CDH13: variants seen among roughly 807,000 people sequenced by gnomAD.
CDH13 encodes the protein cadherin 13, also known as cadherin-13.
Under a neutral mutation model 63.8 loss-of-function variants are expected in CDH13, and 24 were observed. The ratio of observed to expected loss-of-function variants is 0.38; its 90% confidence interval spans 0.27 to 0.53. The LOEUF is 0.53. Among genes scored for constraint, CDH13 ranks in the 20% least tolerant of loss-of-function variants. CDH13 has a pLI of 0.85. For missense variants in CDH13, 1,049 were observed against 903.1 expected (o/e 1.16, Z -2.07); for synonymous variants, 503 against 355.3 (o/e 1.42, Z -4.67).
intron 1 of CDH13, among the ~76,000 whole-genome samples, chr16:82,712,763 A>G (rs2032051431): frequency 6.6e-6 from 1 of 151,954 alleles, no homozygotes; most frequent in Non-Finnish European, 1.5e-5. Context: ...CTTTCCTGGG[A>G]TTACCTCCCA....
chr16:83,764,402 A>C (rs1325230795), intron 11 of CDH13, among the ~76,000 whole-genome samples: 1 of 152,234 alleles, frequency 6.6e-6, no homozygotes, highest in Non-Finnish European at 1.5e-5. Context: ...CAAATCAACT[A>C]TCTTAAACAG....
intron 2 of CDH13, among the ~76,000 whole-genome samples, chr16:82,987,285 C>G (rs1911060822): frequency 1.3e-5 from 2 of 152,190 alleles, no homozygotes; most frequent in African/African-American, 2.4e-5. Context: ...AATTAGCTGT[C>G]TTTCTATCTA....
intron 3 of CDH13, among the ~76,000 whole-genome samples, chr16:83,057,444 C>G (rs2031065034): frequency 1.3e-5 from 2 of 152,166 alleles, no homozygotes; most frequent in Non-Finnish European, 2.9e-5. Context: ...AAACTGTACA[C>G]TTACACTTTT....
At chr16:83,250,975 G>T (rs1190961409) in intron 5 of CDH13, among the ~76,000 whole-genome samples, 1 of 152,084 alleles carries the variant, frequency 6.6e-6, no homozygotes, top group African/African-American at 2.4e-5. Flanking sequence ...TTAAAATATG[G>T]TTTATATGCT....
At chr16:83,590,488 TG>T (rs1906629476) in intron 7 of CDH13, among the ~76,000 whole-genome samples, 1 of 152,088 alleles carries the variant, frequency 6.6e-6, no homozygotes, top group African/African-American at 2.4e-5. Context: ...GTTCTGATAT[TG>T]GCCCATGGAG....
chr16:82,668,861 C>T (rs142847504), intron 1 of CDH13, among the ~76,000 whole-genome samples: 2 of 152,306 alleles, frequency 1.3e-5, no homozygotes, highest in Admixed American at 1.3e-4. Context: ...TGGAGCCAGA[C>T]CTGTACCTTC....
chr16:83,056,159 C>G (rs1374350599), intron 3 of CDH13, among the ~76,000 whole-genome samples: 1 of 152,094 alleles, frequency 6.6e-6, no homozygotes, highest in Non-Finnish European at 1.5e-5. Flanking sequence ...GGAAATTATT[C>G]AGATACTATT....
At chr16:83,154,561 C>T (rs1028179134) in intron 4 of CDH13, among the ~76,000 whole-genome samples, 11 of 140,794 alleles carry the variant, frequency 7.8e-5, no homozygotes, top group Non-Finnish European at 1.7e-4. Context: ...GAGACTCCAT[C>T]TCAAAAAAAA....
Position 83,643,281 on chromosome 16 carries a change from A to G in CDH13, c.1102-27509A>G, listed in dbSNP as rs1198621502. On this transcript the variant is annotated intron_variant, in intron 8 of 13. Coordinates refer to ENST00000567109, the MANE Select transcript of CDH13 (RefSeq NM_001257.5). ...ACATGTACCCTATAACTTAGAGTAT[A>G]ATAAAAAAAAAAAAAAAAAAGAAAA... is the stretch of plus-strand genomic sequence containing the variant. Among the ~76,000 whole-genome samples the G allele has an allele frequency of 3.1e-4, 4 of 12,960 alleles. 1 individual carries two copies. The highest frequency in any genetic ancestry group is 6.2e-4 in the Non-Finnish European group (4 of 6,468). The allele number at this position is 12,960 out of a possible 152,430, so 8.5% of individuals were successfully genotyped here.
intron 4 of CDH13, among the ~76,000 whole-genome samples, chr16:83,198,974 T>C (rs1394293365): frequency 2.0e-5 from 3 of 152,226 alleles, no homozygotes; most frequent in Admixed American, 1.3e-4. Flanking sequence ...TTTCTTCTTC[T>C]CTTGAGAACA....
intron 7 of CDH13, among the ~76,000 whole-genome samples, chr16:83,575,945 C>T (rs1269535245): frequency 6.6e-6 from 1 of 152,132 alleles, no homozygotes; most frequent in African/African-American, 2.4e-5. Flanking sequence ...ATTCACATAA[C>T]ATAAAATTAA....
chr16:83,389,352 C>CA (rs1358244567), intron 6 of CDH13, among the ~76,000 whole-genome samples: 1 of 151,924 alleles, frequency 6.6e-6, no homozygotes, highest in Non-Finnish European at 1.5e-5. Flanking sequence ...GAGATCGTAC[C>CA]ATAACGTTAT....
intron 3 of CDH13, among the ~76,000 whole-genome samples, chr16:83,084,357 C>T (rs11864350): frequency 6.6e-6 from 1 of 152,192 alleles, no homozygotes; most frequent in African/African-American, 2.4e-5. Flanking sequence ...ACGTTCATGT[C>T]TGTCCAGAAG....
chr16:82,938,896 A>T (rs1264687952), intron 2 of CDH13, among the ~76,000 whole-genome samples: 2 of 152,060 alleles, frequency 1.3e-5, no homozygotes, highest in African/African-American at 2.4e-5. Flanking sequence ...TTGGTTGAGG[A>T]CTACTCCCAG....
At chr16:82,705,118 A>C in intron 1 of CDH13, 1 of 456,008 alleles carries the variant, frequency 2.2e-6, no homozygotes, top group Non-Finnish European at 4.4e-6. Flanking sequence ...TCAAAAATAA[A>C]GCCCGAGATA....
intron 6 of CDH13, among the ~76,000 whole-genome samples, chr16:83,386,320 G>A (rs2091673649): frequency 6.6e-6 from 1 of 152,182 alleles, no homozygotes; most frequent in African/African-American, 2.4e-5. Flanking sequence ...TGGCCACAAA[G>A]GGATAGGCGT....
intron 5 of CDH13, among the ~76,000 whole-genome samples, chr16:83,300,244 A>AT (rs1201182394): frequency 2.0e-5 from 3 of 152,210 alleles, no homozygotes; most frequent in African/African-American, 7.2e-5. Flanking sequence ...AGAAAATGAG[A>AT]TTTTGTAGTT....
At chr16:82,842,993 G>A (rs909721553) in intron 1 of CDH13, among the ~76,000 whole-genome samples, 3 of 152,114 alleles carry the variant, frequency 2.0e-5, no homozygotes, top group Non-Finnish European at 4.4e-5. Flanking sequence ...AAATACAGAC[G>A]CAGCTCCACT....
At position 83,545,523 on chromosome 16, in the gene CDH13, G is replaced by A. The variant is rs1172551891; in HGVS notation, c.961-56931G>A. On this transcript the variant is annotated intron_variant, in intron 7 of 13. Transcript: ENST00000567109. ...AGGGGAAAGTCCACTGCCTGGACAA[G>A]GCCTTCATGGCTGTTCACAACCTGC... 3.3e-5 allele frequency among the ~76,000 whole-genome samples: 5 copies of A among 152,160 alleles called. No individual in the cohort carries two copies. In the East Asian group the frequency reaches 9.6e-4, roughly 29 times the overall value.
Sources: gnomAD v4.1 joint callset for allele counts (sites outside exome capture counted in the v4.1 genomes callset) on GRCh38, gnomAD v4.1.1 for gene constraint, MANE v1.5 for transcripts, NCBI Gene and HGNC (gene_info 2026-07-23, HGNC 2026-07-21) for gene names.